Variants in PABPN1L observed in about 807,000 individuals in gnomAD.
The protein encoded by PABPN1L is PABPN1 like, cytoplasmic.
PABPN1L carries 45 observed loss-of-function variants against 34.0 expected under a neutral mutation model. That is an observed-to-expected ratio of 1.32 (90% CI 1.04 to 1.70). The LOEUF (loss-of-function observed/expected upper bound fraction) is 1.70. Among genes scored for constraint, PABPN1L ranks in the 40% most tolerant of loss-of-function variants. The pLI, the probability that PABPN1L is intolerant of heterozygous loss-of-function variation, is 0.00. For synonymous variants in PABPN1L, 182 were observed against 152.1 expected (o/e 1.20, Z -1.45); for missense variants, 459 against 367.8 (o/e 1.25, Z -2.03).
chr16:88,865,833 C>G (rs774478649), exon 2 of PABPN1L: 17 of 1,608,502 alleles, frequency 1.1e-5, no homozygotes, highest in Non-Finnish European at 1.4e-5. Context: ...AGCAGCTGCC[C>G]GGCCGCGGTG....
At chr16:88,867,302 A>G (rs1968624161), upstream of PABPN1L, among the ~76,000 whole-genome samples, 1 of 148,216 alleles carries the variant, frequency 6.7e-6, no homozygotes, top group Non-Finnish European at 1.5e-5. Context: ...ATCTCGGCTC[A>G]CGGCAACCTT....
upstream of PABPN1L, among the ~76,000 whole-genome samples, chr16:88,868,233 C>T (rs72813583): frequency 1.3e-5 from 2 of 152,194 alleles, no homozygotes; most frequent in Non-Finnish European, 2.9e-5. Context: ...AGAGGTGTAT[C>T]TTGCCAAGGT....
chr16:88,866,083 CA>C, intron 1 of PABPN1L, 142 bp from the exon 2 acceptor site: 1 of 1,363,614 alleles, frequency 7.3e-7, no homozygotes, highest in Non-Finnish European at 9.7e-7. Context: ...CTTCCTGGGG[CA>C]GCTGGCTGGG....
chr16:88,865,139 G>A lies in PABPN1L; in HGVS notation c.460-11C>T. On this transcript the variant is annotated splice_polypyrimidine_tract_variant and intron_variant, in intron 3 of 6. Coordinates refer to ENST00000419291, the Ensembl canonical transcript of PABPN1L. ...GCCCCCGTAGTCCACCTGCACCCAGGCCCAGACCAGCATGTGAGGGAGACG... is the reference window on the plus strand; with the variant it reads ...GCCCCCGTAGTCCACCTGCACCCAGACCCAGACCAGCATGTGAGGGAGACG... The A allele has an allele frequency of 1.9e-6, 3 of 1,559,820 alleles. No homozygotes were observed. The highest frequency in any genetic ancestry group is 2.6e-6 in the Non-Finnish European group (3 of 1,152,556).
intron 5 of PABPN1L, 111 bp downstream of exon 5, chr16:88,864,742 G>T: frequency 8.2e-7 from 1 of 1,224,826 alleles, no homozygotes. Context: ...CAAGCACCGT[G>T]CCTGAGACAC....
upstream of PABPN1L, chr16:88,866,743 T>A: frequency 8.1e-7 from 1 of 1,227,954 alleles, no homozygotes. Context: ...TTGCAAAGGC[T>A]GAGTGGGGCT....
At chr16:88,864,691 T>C (rs995608884) in intron 5 of PABPN1L, among the ~76,000 whole-genome samples, 162 bp downstream of exon 5, 2 of 151,882 alleles carry the variant, frequency 1.3e-5, no homozygotes, top group South Asian at 4.2e-4. Context: ...CAAACCCAGC[T>C]TCAGGTCCGA....
chr16:88,869,337 C>G (rs1437923509), upstream of PABPN1L, among the ~76,000 whole-genome samples: 1 of 152,246 alleles, frequency 6.6e-6, no homozygotes, highest in Non-Finnish European at 1.5e-5. Flanking sequence ...TGGCTCCGCA[C>G]AGCCACACAC....
At chr16:88,863,781 A>G (rs2143019170) in exon 7 of PABPN1L, 2 of 1,535,982 alleles carry the variant, frequency 1.3e-6, no homozygotes, top group Non-Finnish European at 1.7e-6. Flanking sequence ...CCATGGTGAG[A>G]ATTTTCCACG....
Position 88,866,255 on chromosome 16 carries a change from A to G in PABPN1L, c.255+97T>C, listed in dbSNP as rs553501234. 2.0e-6 allele frequency: 3 copies of G among 1,464,734 alleles called. No homozygotes were observed. In the Admixed American group the frequency reaches 6.6e-5, roughly 32 times the overall value. 90.7% of individuals were successfully genotyped at this position (1,464,734 alleles called of 1,614,324 possible). ...TGGGCAATGGCCCTCTCCCCTCCTA[A>G]GTCAGCTGCAGCCATCCGTCACCCA... On this transcript the variant is annotated intron_variant, in intron 1 of 6. Coordinates refer to ENST00000419291, the Ensembl canonical transcript of PABPN1L.
At chr16:88,865,654 C>T (rs771459948) in intron 2 of PABPN1L, 24 bp from the exon 3 acceptor site, 19 of 1,590,124 alleles carry the variant, frequency 1.2e-5, no homozygotes, top group Admixed American at 8.7e-5. Context: ...AGCTCAGGCC[C>T]GCAGGCCCTT....
At chr16:88,865,194 G>A in intron 3 of PABPN1L, 66 bp from the exon 4 acceptor site, 2 of 1,502,474 alleles carry the variant, frequency 1.3e-6, no homozygotes, top group Non-Finnish European at 1.8e-6. Context: ...CTTCTTGTTA[G>A]AGGTGAGGAA....
chr16:88,864,812 C>T, intron 5 of PABPN1L, 41 bp downstream of exon 5: 1 of 1,546,590 alleles, frequency 6.5e-7, no homozygotes, highest in Non-Finnish European at 8.8e-7. Flanking sequence ...GGGCCAGCCC[C>T]TCTGCGCTCA....
intron 3 of PABPN1L, 60 bp downstream of exon 3, chr16:88,865,503 C>G: frequency 1.3e-6 from 2 of 1,570,658 alleles, no homozygotes. Context: ...GGGCGCCAGA[C>G]CCTCTGGTAG....
exon 7 of PABPN1L, chr16:88,863,637 G>C: frequency 7.7e-7 from 1 of 1,294,100 alleles, no homozygotes; most frequent in Middle Eastern, 1.9e-4. Flanking sequence ...GGCTGCTCTG[G>C]ACACCCCTCT....
chr16:88,866,635 G>C (rs768615275), upstream of PABPN1L: 2 of 1,510,020 alleles, frequency 1.3e-6, no homozygotes, highest in Admixed American at 2.1e-5. Context: ...AGGTGGGCCA[G>C]GCGAGGCCTC....
At chr16:88,867,922 C>G (rs1968634090), upstream of PABPN1L, among the ~76,000 whole-genome samples, 1 of 152,342 alleles carries the variant, frequency 6.6e-6, no homozygotes, top group Non-Finnish European at 1.5e-5. Flanking sequence ...AGCTCCTACC[C>G]CCAGGCCGAG....
At chr16:88,865,771 C>G in intron 2 of PABPN1L, 35 bp downstream of exon 2, 2 of 1,582,940 alleles carry the variant, frequency 1.3e-6, no homozygotes, top group South Asian at 2.3e-5. Context: ...GGGACCCTTG[C>G]TCAGTGGGGG....
upstream of PABPN1L, among the ~76,000 whole-genome samples, chr16:88,869,497 C>G (rs1354074683): frequency 6.6e-6 from 1 of 152,198 alleles, no homozygotes; most frequent in Non-Finnish European, 1.5e-5. Flanking sequence ...TTGGCCAGCT[C>G]TCCCCTTAGA....
Sources: allele counts gnomAD v4.1 joint callset (sites outside exome capture counted in the v4.1 genomes callset), GRCh38; gene constraint gnomAD v4.1.1; transcripts MANE v1.5; gene names NCBI Gene and HGNC (gene_info 2026-07-23, HGNC 2026-07-21).